The following SPAST variants were observed in gnomAD, a reference collection of about 807,000 sequenced individuals.
SPAST encodes spastic paraplegia 4 (autosomal dominant; spastin).
SPAST carries 30 observed loss-of-function variants against 76.6 expected under a neutral mutation model. The ratio of observed to expected loss-of-function variants is 0.39; its 90% CI spans 0.29 to 0.53. SPAST has a LOEUF of 0.53. Ranked by LOEUF, SPAST falls within the 20% of genes least tolerant of loss-of-function variation. SPAST has a pLI of 0.68. For missense variants in SPAST, 717 were observed against 770.5 expected (o/e 0.93, Z 0.82); for synonymous variants, 305 against 281.0 (o/e 1.09, Z -0.86).
intron 1 of SPAST, among the ~76,000 whole-genome samples, chr2:32,073,557 T>C (rs1028938523): frequency 6.6e-6 from 1 of 152,100 alleles, no homozygotes; most frequent in African/African-American, 2.4e-5. Context: ...CTTGAACTCC[T>C]GAGCTCAAGC....
chr2:32,078,164 G>A (rs1292576123), intron 1 of SPAST, among the ~76,000 whole-genome samples: 2 of 151,812 alleles, frequency 1.3e-5, no homozygotes, highest in Non-Finnish European at 2.9e-5. Flanking sequence ...CTAATTTTTT[G>A]TATTTTTAGT....
chr2:32,136,784 C>A, intron 10 of SPAST, 93 bp from the exon 11 acceptor site: 2 of 1,205,120 alleles, frequency 1.7e-6, no homozygotes, highest in Non-Finnish European at 2.5e-6. Context: ...TTTAGTAGGA[C>A]CCACTATATT....
At chr2:32,092,491 G>C (rs1677761010) in intron 3 of SPAST, among the ~76,000 whole-genome samples, 1 of 152,118 alleles carries the variant, frequency 6.6e-6, no homozygotes, top group Non-Finnish European at 1.5e-5. Context: ...TAGGACATTA[G>C]AAGTATTAAT....
intron 1 of SPAST, among the ~76,000 whole-genome samples, chr2:32,081,376 G>C (rs1045323698): frequency 6.6e-6 from 1 of 152,160 alleles, no homozygotes; most frequent in African/African-American, 2.4e-5. Context: ...TTATAGGCAT[G>C]AGCCACCACG....
chr2:32,074,267 T>C (rs1676863738), intron 1 of SPAST, among the ~76,000 whole-genome samples: 1 of 152,110 alleles, frequency 6.6e-6, no homozygotes, highest in African/African-American at 2.4e-5. Context: ...AAAGCAAAGG[T>C]CACTCCTTAT....
At position 32,114,621 on chromosome 2, in the gene SPAST, T is replaced by C. The variant is rs1264713067; in HGVS notation, c.683-17T>C. On this transcript the variant is annotated splice_polypyrimidine_tract_variant and intron_variant, in intron 4 of 16. Coordinates refer to ENST00000315285, the MANE Select transcript of SPAST (RefSeq NM_014946.4). ...TACAATTTTCTAATCACAATGGTTTTACTTTTTCCTTGTCAGAAAGTGGAG... is the reference window on the plus strand; with the variant it reads ...TACAATTTTCTAATCACAATGGTTTCACTTTTTCCTTGTCAGAAAGTGGAG... The C allele has an allele frequency of 4.3e-6, 7 of 1,609,648 alleles. No individual in the cohort carries two copies. Among genetic ancestry groups the C allele is most frequent in the Non-Finnish European group, 6.0e-6 (7 of 1,176,016 alleles).
intron 13 of SPAST, among the ~76,000 whole-genome samples, chr2:32,142,770 T>G (rs1462442794): frequency 2.6e-5 from 4 of 152,170 alleles, no homozygotes. Flanking sequence ...GAGGATTAAC[T>G]GCAAACAGGT....
chr2:32,140,789 A>T (rs572244211), intron 12 of SPAST, among the ~76,000 whole-genome samples: 3 of 140,480 alleles, frequency 2.1e-5, no homozygotes, highest in East Asian at 1.9e-4. Context: ...TTAAATTTTT[A>T]AAAAATTAAA....
At chr2:32,137,721 C>A (rs992745360) in intron 12 of SPAST, among the ~76,000 whole-genome samples, 1 of 151,972 alleles carries the variant, frequency 6.6e-6, no homozygotes, top group Non-Finnish European at 1.5e-5. Flanking sequence ...TGATTTTTTT[C>A]TCTCTTTACT....
At chr2:32,094,243 G>C (rs991409326) in intron 3 of SPAST, among the ~76,000 whole-genome samples, 2 of 152,030 alleles carry the variant, frequency 1.3e-5, no homozygotes, top group Non-Finnish European at 2.9e-5. Context: ...TTTTGAGACG[G>C]AGTCTTGCCT....
chr2:32,130,882 C>T (rs947061185), intron 9 of SPAST, among the ~76,000 whole-genome samples: 11 of 152,142 alleles, frequency 7.2e-5, no homozygotes, highest in African/African-American at 1.2e-4. Context: ...AGATCTATGT[C>T]TTCGGAACAG....
chr2:32,151,285 GT>G (rs1558345888), intron 16 of SPAST, among the ~76,000 whole-genome samples: 1 of 152,026 alleles, frequency 6.6e-6, no homozygotes, highest in African/African-American at 2.4e-5. Context: ...TAATCTAGTG[GT>G]TTTGGTATTA....
chr2:32,092,152 C>A (rs1385007546), intron 3 of SPAST, among the ~76,000 whole-genome samples: 1 of 152,042 alleles, frequency 6.6e-6, no homozygotes, highest in East Asian at 1.9e-4. Context: ...GGGATTTTTG[C>A]CCGCACATAG....
intron 12 of SPAST, 91 bp from the exon 13 acceptor site, chr2:32,141,813 A>G: frequency 9.9e-7 from 1 of 1,005,442 alleles, no homozygotes; most frequent in Non-Finnish European, 1.5e-6. Context: ...AGTGCCTTGA[A>G]TATTATATTT....
At chr2:32,121,486 T>G (rs1679017270) in intron 7 of SPAST, among the ~76,000 whole-genome samples, 2 of 151,482 alleles carry the variant, frequency 1.3e-5, no homozygotes, top group African/African-American at 4.9e-5. Context: ...CTGAGAAAGG[T>G]TCTATAATTC....
At chr2:32,118,503 G>T (rs181665121) in intron 7 of SPAST, among the ~76,000 whole-genome samples, 2 of 152,100 alleles carry the variant, frequency 1.3e-5, no homozygotes, top group African/African-American at 4.8e-5. Context: ...CGTAGCTTAC[G>T]TATTGAGCTA....
chr2:32,098,995 T>C, intron 4 of SPAST, 104 bp downstream of exon 4: 6 of 814,060 alleles, frequency 7.4e-6, no homozygotes, highest in Admixed American at 4.0e-5. Context: ...TAGGTTTAAT[T>C]GTTCATGTTT....
In SPAST at chr2:32,063,641, G is replaced by A; in HGVS notation, c.-191G>A. 1.5e-6 allele frequency: 1 copy of A among 668,026 alleles called. No homozygotes were observed. The highest frequency in any genetic ancestry group is 2.4e-6 in the Non-Finnish European group (1 of 408,596). The allele number at this position is 668,026 out of a possible 1,614,324, so 41.4% of individuals were successfully genotyped here. On this transcript the variant is annotated 5_prime_UTR_variant, in exon 1 of 17. Transcript: ENST00000315285. ...GAGCCACCGACTGCAGGAGGAGAAGGGGTTGTGCTCCTGGCCGAGGAAGGA... is the reference window on the plus strand; with the variant it reads ...GAGCCACCGACTGCAGGAGGAGAAGAGGTTGTGCTCCTGGCCGAGGAAGGA...
intron 1 of SPAST, among the ~76,000 whole-genome samples, chr2:32,084,010 C>T (rs1345547775): frequency 6.6e-6 from 1 of 150,660 alleles, no homozygotes; most frequent in East Asian, 2.0e-4. Context: ...AACTCCTGAC[C>T]TCAGGTGATC....
Sources: allele counts gnomAD v4.1 joint callset (sites outside exome capture counted in the v4.1 genomes callset), GRCh38; gene constraint gnomAD v4.1.1; transcripts MANE v1.5; gene names NCBI Gene and HGNC (gene_info 2026-07-23, HGNC 2026-07-21).